The following CPQ variants were observed in gnomAD, a reference collection of about 807,000 sequenced individuals.
The protein encoded by CPQ is carboxypeptidase Q.
A neutral mutation model predicts 45.7 loss-of-function variants in CPQ; 37 were observed. The ratio of observed to expected loss-of-function variants is 0.81; its 90% CI spans 0.62 to 1.07. The LOEUF (loss-of-function observed/expected upper bound fraction) is 1.07, where lower values mean the gene tolerates loss of function less well. Among genes scored for constraint, CPQ ranks in the 50% least tolerant of loss-of-function variants. The pLI, the probability that CPQ is intolerant of heterozygous loss-of-function variation, is 0.00. For missense variants in CPQ, 537 were observed against 572.9 expected, an observed-to-expected ratio of 0.94 and a Z score of 0.64; for synonymous variants, 186 against 205.8, an observed-to-expected ratio of 0.90 and a Z score of 0.82.
chr8:96,839,971 C>T (rs1036763937), intron 3 of CPQ, among the ~76,000 whole-genome samples: 8 of 144,142 alleles, frequency 5.6e-5, no homozygotes, highest in African/African-American at 1.8e-4. Flanking sequence ...TCATGCTACA[C>T]ATCTAATGAA....
intron 3 of CPQ, among the ~76,000 whole-genome samples, chr8:96,840,588 A>T (rs1477644923): frequency 2.0e-5 from 3 of 152,178 alleles, no homozygotes; most frequent in Admixed American, 6.5e-5. Context: ...AAAGTTTAAG[A>T]ACTACTGTTT....
chr8:96,964,091 T>TC (rs1813511079), intron 4 of CPQ, among the ~76,000 whole-genome samples: 1 of 130,132 alleles, frequency 7.7e-6, no homozygotes, highest in South Asian at 2.6e-4. Context: ...GAGTTTTCTT[T>TC]CTTTTTTTTT....
At chr8:96,820,993 T>G (rs1811296958) in intron 2 of CPQ, among the ~76,000 whole-genome samples, 1 of 151,990 alleles carries the variant, frequency 6.6e-6, no homozygotes, top group South Asian at 2.1e-4. Context: ...GGTGAGATGC[T>G]GTCTCATTGT....
chr8:97,033,625 CTTT>C (rs774022131), intron 6 of CPQ, among the ~76,000 whole-genome samples: 2 of 142,438 alleles, frequency 1.4e-5, no homozygotes, highest in Admixed American at 1.4e-4. Flanking sequence ...CATGCACAAT[CTTT>C]TTTTTTTTTT....
intron 4 of CPQ, among the ~76,000 whole-genome samples, chr8:96,920,985 A>AT (rs1361298036): frequency 2.0e-5 from 3 of 152,180 alleles, no homozygotes; most frequent in Non-Finnish European, 4.4e-5. Context: ...TTAGACTGGA[A>AT]TTTCTGATTT....
intron 5 of CPQ, among the ~76,000 whole-genome samples, chr8:97,020,076 C>A (rs897697304): frequency 1.3e-5 from 2 of 152,048 alleles, no homozygotes; most frequent in Non-Finnish European, 2.9e-5. Flanking sequence ...CAGAAGGAAC[C>A]TTCAAAACCA....
intron 1 of CPQ, among the ~76,000 whole-genome samples, chr8:96,758,358 T>G (rs1424033410): frequency 6.6e-6 from 1 of 152,178 alleles, no homozygotes; most frequent in Non-Finnish European, 1.5e-5. Context: ...TTTTCTTATA[T>G]TTTTTTGAGA....
At chr8:97,098,452 C>G (rs1811245731) in intron 7 of CPQ, among the ~76,000 whole-genome samples, 1 of 152,164 alleles carries the variant, frequency 6.6e-6, no homozygotes, top group Non-Finnish European at 1.5e-5. Flanking sequence ...CAACTCTAGA[C>G]AGCAACTCTC....
At chr8:96,959,891 C>CAAAAAAAA (rs540520742) in intron 4 of CPQ, among the ~76,000 whole-genome samples, 35 of 80,442 alleles carry the variant, frequency 4.4e-4, no homozygotes, top group East Asian at 1.3e-3. Context: ...ATCACAAAAG[C>CAAAAAAAA]AAAAAAAAAA....
At chr8:96,670,655 C>T (rs924365456) in intron 1 of CPQ, among the ~76,000 whole-genome samples, 7 of 151,952 alleles carry the variant, frequency 4.6e-5, no homozygotes, top group African/African-American at 1.7e-4. Context: ...AATGGTTAAA[C>T]AAACTGTGAT....
intron 3 of CPQ, among the ~76,000 whole-genome samples, chr8:96,859,316 C>G (rs949239113): frequency 2.6e-5 from 4 of 152,204 alleles, no homozygotes; most frequent in Non-Finnish European, 2.9e-5. Flanking sequence ...GGGCTTAGCT[C>G]TTTAGTCTTC....
chr8:96,835,926 G>A (rs1046106094), intron 3 of CPQ, among the ~76,000 whole-genome samples: 2 of 152,012 alleles, frequency 1.3e-5, no homozygotes, highest in East Asian at 3.9e-4. Flanking sequence ...TAACTTTATT[G>A]GCCCTCAGTC....
intron 7 of CPQ, among the ~76,000 whole-genome samples, chr8:97,096,286 G>A (rs1330929394): frequency 6.6e-6 from 1 of 152,088 alleles, no homozygotes; most frequent in African/African-American, 2.4e-5. Flanking sequence ...AAAAAATAAA[G>A]AAATCATTAT....
At chr8:96,958,908 C>A (rs75168195) in intron 4 of CPQ, among the ~76,000 whole-genome samples, 3,537 of 125,938 alleles carry the variant, frequency 0.028, 97 homozygotes, top group African/African-American at 0.088. Context: ...CCAACAGCTT[C>A]ACTGAAAAAA....
chr8:96,845,241 A>G (rs1381622305), intron 3 of CPQ, among the ~76,000 whole-genome samples: 1 of 152,130 alleles, frequency 6.6e-6, no homozygotes, highest in African/African-American at 2.4e-5. Context: ...TTGGTAATTT[A>G]TGTCTATCTA....
chr8:96,698,184 A>T (rs1278009334), intron 1 of CPQ, among the ~76,000 whole-genome samples: 1 of 152,138 alleles, frequency 6.6e-6, no homozygotes, highest in Non-Finnish European at 1.5e-5. Flanking sequence ...AGAACCTAGA[A>T]ATAAATCTAT....
intron 1 of CPQ, among the ~76,000 whole-genome samples, chr8:96,665,434 G>T (rs375448733): frequency 1.3e-5 from 2 of 152,146 alleles, no homozygotes; most frequent in African/African-American, 4.8e-5. Context: ...TGAATACGTG[G>T]GGAATGAATG....
chr8:97,083,213 AG>A (rs1293749884), intron 7 of CPQ, among the ~76,000 whole-genome samples: 1 of 152,200 alleles, frequency 6.6e-6, no homozygotes, highest in East Asian at 1.9e-4. Context: ...ACATTAAATA[AG>A]TGGTTTTCCA....
intron 6 of CPQ, among the ~76,000 whole-genome samples, chr8:97,050,691 C>T (rs906704397): frequency 2.9e-4 from 44 of 152,176 alleles, no homozygotes; most frequent in Non-Finnish European, 3.5e-4. Context: ...TAGCAAGACC[C>T]CATTTCAAAA....
Sources: allele counts gnomAD v4.1 joint callset (sites outside exome capture counted in the v4.1 genomes callset), GRCh38; gene constraint gnomAD v4.1.1; transcripts MANE v1.5; gene names NCBI Gene and HGNC (gene_info 2026-07-23, HGNC 2026-07-21).